AKAP13: variants seen among roughly 807,000 people sequenced by gnomAD.
AKAP13 encodes A-kinase anchoring protein 13.
Under a neutral mutation model 264.5 loss-of-function variants are expected in AKAP13, and 80 were observed. The ratio of observed to expected loss-of-function variants is 0.30; its 90% CI spans 0.25 to 0.36. The LOEUF is 0.36. Among genes scored for constraint, AKAP13 ranks in the 10% least tolerant of loss-of-function variants. The pLI is 1.00. For synonymous variants in AKAP13, 1,380 were observed against 1,250.2 expected (o/e 1.10, Z -2.19); for missense variants, 3,712 against 3,435.2 (o/e 1.08, Z -2.01).
At chr15:85,468,762 A>T (rs16940089) in intron 1 of AKAP13, among the ~76,000 whole-genome samples, 1 of 152,026 alleles carries the variant, frequency 6.6e-6, no homozygotes, top group African/African-American at 2.4e-5. Context: ...ACTTCTGTGA[A>T]GCTGCCCCCA....
intron 4 of AKAP13, chr15:85,534,730 GC>G (rs1446480790): frequency 2.0e-5 from 3 of 151,988 alleles, no homozygotes; most frequent in Non-Finnish European, 4.4e-5. Context: ...GAGCCACTGC[GC>G]CCGGCCAGAA....
At chr15:85,458,562 A>G (rs950367864) in intron 1 of AKAP13, among the ~76,000 whole-genome samples, 5 of 151,860 alleles carry the variant, frequency 3.3e-5, no homozygotes, top group African/African-American at 1.2e-4. Context: ...TCCAGATTTT[A>G]ATAGTATAAA....
chr15:85,720,717 A>G (rs1468194539), intron 23 of AKAP13, among the ~76,000 whole-genome samples: 4 of 152,196 alleles, frequency 2.6e-5, no homozygotes, highest in Non-Finnish European at 5.9e-5. Flanking sequence ...CATTTGTCTG[A>G]GAATTGTAAA....
At chr15:85,398,139 C>T (rs1002752728) in intron 1 of AKAP13, among the ~76,000 whole-genome samples, 8 of 152,128 alleles carry the variant, frequency 5.3e-5, no homozygotes, top group South Asian at 2.1e-4. Flanking sequence ...AGAGTTGAAA[C>T]GAGTAATGAT....
rs754031832 is a variant in AKAP13 at position 85,723,361 on chromosome 15, A to G, written c.6745+41A>G. On this transcript the variant is annotated intron_variant, in intron 26 of 36. Transcript: ENST00000394518. ...TTTGTCTTAAGTATGTGCCCAGGTA[A>G]AACAGGCAAAAATCCAAGTGCTTTT... 13 of 1,592,222 alleles carry G rather than the reference A, an allele frequency of 8.2e-6. No homozygotes were observed. The East Asian group carries it at 2.7e-4, about 33-fold the overall frequency.
At chr15:85,432,367 TAAAA>T (rs896840084) in intron 1 of AKAP13, among the ~76,000 whole-genome samples, 1 of 145,032 alleles carries the variant, frequency 6.9e-6, no homozygotes, top group South Asian at 2.2e-4. Context: ...CTGCAAATCT[TAAAA>T]AAAAAAAAGT....
chr15:85,538,665 A>AT (rs375494988), intron 4 of AKAP13, among the ~76,000 whole-genome samples: 19,013 of 149,404 alleles, frequency 0.13, 1,435 homozygotes, highest in East Asian at 0.31. Flanking sequence ...AATTTTTTAT[A>AT]TTTTTAGTAG....
At chr15:85,502,362 A>G (rs990289378) in intron 2 of AKAP13, among the ~76,000 whole-genome samples, 2 of 152,238 alleles carry the variant, frequency 1.3e-5, no homozygotes, top group Non-Finnish European at 2.9e-5. Flanking sequence ...AATACTTACT[A>G]AACATCAGTT....
At chr15:85,436,359 T>A (rs1463642758) in intron 1 of AKAP13, among the ~76,000 whole-genome samples, 26 of 111,174 alleles carry the variant, frequency 2.3e-4, no homozygotes, top group East Asian at 1.2e-3. Context: ...CTCCCACACA[T>A]TAATAATGGG....
In AKAP13 at chr15:85,727,500, A is replaced by C; in HGVS notation, c.7087+37A>C. The stretch of plus-strand genomic sequence containing the variant: ...CGAGTGGTCTGAGCCCCTTGTCTGG[A>C]ATGTCTGCAGTTGCAGAAGACTGCT... On this transcript the variant is annotated intron_variant, in intron 29 of 36. Transcript: ENST00000394518. This position sits in a 1 kb window ranked among gnomAD's most constrained non-coding sequence, Gnocchi z 5.3. 1 of 1,609,238 alleles carries C rather than the reference A, an allele frequency of 6.2e-7. No individual in the cohort carries two copies. The highest frequency in any genetic ancestry group is 1.1e-5 in the South Asian group (1 of 90,804).
At chr15:85,658,484 G>T in intron 11 of AKAP13, 53 bp from the exon 12 acceptor site, 1 of 1,530,212 alleles carries the variant, frequency 6.5e-7, no homozygotes, top group East Asian at 2.3e-5. Flanking sequence ...TCATGCATTT[G>T]TATCCCATTT....
chr15:85,522,819 G>T (rs1283655483), intron 3 of AKAP13, among the ~76,000 whole-genome samples: 2 of 151,976 alleles, frequency 1.3e-5, no homozygotes, highest in Non-Finnish European at 2.9e-5. Context: ...CCTAGTACCT[G>T]GCTTTTCTTC....
At chr15:85,483,574 C>T (rs1254232329) in intron 1 of AKAP13, among the ~76,000 whole-genome samples, 1 of 144,560 alleles carries the variant, frequency 6.9e-6, no homozygotes, top group Non-Finnish European at 1.5e-5. Flanking sequence ...TGCAGTGAGC[C>T]GAGATTGCGC....
intron 2 of AKAP13, among the ~76,000 whole-genome samples, chr15:85,517,273 C>T (rs972845386): frequency 6.6e-6 from 1 of 152,186 alleles, no homozygotes; most frequent in African/African-American, 2.4e-5. Context: ...CTGTTCAAAG[C>T]CCATTTCTTT....
At chr15:85,403,702 G>C (rs962035105) in intron 1 of AKAP13, among the ~76,000 whole-genome samples, 3 of 151,972 alleles carry the variant, frequency 2.0e-5, no homozygotes, top group Non-Finnish European at 4.4e-5. Context: ...TTAGCCGGGC[G>C]TGGTGGCGCA....
chr15:85,504,393 G>A (rs1315356936), intron 2 of AKAP13, among the ~76,000 whole-genome samples: 3 of 150,718 alleles, frequency 2.0e-5, no homozygotes, highest in African/African-American at 7.3e-5. Flanking sequence ...CAGGCTGGGC[G>A]CAGTGGCTCG....
chr15:85,655,724 T>A lies in AKAP13; in HGVS notation c.4682T>A (p.Phe1561Tyr). The change falls in exon 11 of 37, where the codon TTC (phenylalanine) becomes TAC (tyrosine). Residue 1561 changes from phenylalanine to tyrosine, a missense_variant. Physicochemically the swap from Phe to Tyr is conservative, Grantham distance 22. Coordinates refer to ENST00000394518, the MANE Select transcript of AKAP13 (RefSeq NM_007200.5). ...AGCTCCATGCGCTCTCTTTCTCCCTTCCGGAGGCACAGCTGGGGGCCTGGG... is the reference window on the plus strand; with the variant it reads ...AGCTCCATGCGCTCTCTTTCTCCCTACCGGAGGCACAGCTGGGGGCCTGGG... ...LRSSMRSLSP[F>Y]RRHSWGPGKN... 6.2e-7 allele frequency: 1 copy of A among 1,613,738 alleles called. No homozygotes were observed. The highest frequency in any genetic ancestry group is 8.5e-7 in the Non-Finnish European group (1 of 1,179,706).
intron 1 of AKAP13, among the ~76,000 whole-genome samples, chr15:85,424,859 G>A (rs779502619): frequency 3.3e-5 from 5 of 152,168 alleles, no homozygotes; most frequent in Non-Finnish European, 7.3e-5. Flanking sequence ...CAATATTACT[G>A]TGTCTCAGGG....
chr15:85,546,710 T>C (rs942388071), intron 5 of AKAP13, among the ~76,000 whole-genome samples: 6 of 152,076 alleles, frequency 3.9e-5, no homozygotes, highest in Admixed American at 6.6e-5. Flanking sequence ...AAGTTAAGAA[T>C]CGCCACAATG....
Sources: allele counts gnomAD v4.1 joint callset (sites outside exome capture counted in the v4.1 genomes callset), GRCh38; gene constraint gnomAD v4.1.1; non-coding constraint Gnocchi (gnomAD v3.1); transcripts MANE v1.5; gene names NCBI Gene and HGNC (gene_info 2026-07-23, HGNC 2026-07-21).